Variants in DNAJC6 observed in about 807,000 individuals in gnomAD.
DNAJC6 encodes the protein DnaJ heat shock protein family (Hsp40) member C6.
A neutral mutation model predicts 110.0 loss-of-function variants in DNAJC6; 34 were observed. The ratio of observed to expected loss-of-function variants is 0.31; its 90% CI spans 0.24 to 0.41. DNAJC6 has a LOEUF of 0.41. Among genes scored for constraint, DNAJC6 ranks in the 10% least tolerant of loss-of-function variants. The pLI, the probability that DNAJC6 is intolerant of heterozygous loss-of-function variation, is 1.00. For missense variants in DNAJC6, 1,031 were observed against 1,207.8 expected, an observed-to-expected ratio of 0.85 and a Z score of 2.17; for synonymous variants, 406 against 437.2, an observed-to-expected ratio of 0.93 and a Z score of 0.89.
At chr1:65,353,178 G>A (rs1367257088) in intron 1 of DNAJC6, among the ~76,000 whole-genome samples, 1 of 152,124 alleles carries the variant, frequency 6.6e-6, no homozygotes, top group East Asian at 1.9e-4. Flanking sequence ...TTAGAGAAGG[G>A]AGGAAAAAAA....
chr1:65,296,411 T>TA (rs1644929106), intron 1 of DNAJC6, among the ~76,000 whole-genome samples: 1 of 152,186 alleles, frequency 6.6e-6, no homozygotes, highest in Admixed American at 6.5e-5. Flanking sequence ...TGCTGAGAAC[T>TA]CTGACCCGGA....
chr1:65,381,268 T>C (rs949859058), intron 5 of DNAJC6, among the ~76,000 whole-genome samples: 4 of 151,622 alleles, frequency 2.6e-5, no homozygotes, highest in African/African-American at 9.7e-5. Flanking sequence ...ATAAGCATAG[T>C]GGGGCGTGGT....
Position 65,309,768 on chromosome 1 carries a change from G to T in DNAJC6, c.23G>T (p.Arg8Leu). Residue 8 changes from arginine to leucine, a missense_variant, in exon 1 of 19, where the codon CGG (arginine) becomes CTG (leucine). Transcript: ENST00000371069. ...CCCATGAGCCTCCTCGGGAGCTACCGGAAAAAGACCAGCAACGATGGTTAT... is the reference window on the plus strand; with the variant it reads ...CCCATGAGCCTCCTCGGGAGCTACCTGAAAAAGACCAGCAACGATGGTTAT... MSLLGSY[R>L]KKTSNDGYES... 3.2e-6 allele frequency: 5 copies of T among 1,547,712 alleles called. No individual in the cohort carries two copies. Among genetic ancestry groups the T allele is most frequent in the Non-Finnish European group, 4.4e-6 (5 of 1,145,710 alleles).
Position 65,401,776 on chromosome 1 carries a change from G to C in DNAJC6, c.2123G>C (p.Gly708Ala), listed in dbSNP as rs376618075. The C allele has an allele frequency of 1.3e-5, 21 of 1,612,742 alleles. No homozygotes were observed. The highest frequency in any genetic ancestry group is 1.7e-5 in the Non-Finnish European group (20 of 1,179,716). ...WHAKPGGFGM[G>A]SKSAATSPTG... ...TCCTTTTCAGGAGGCTTTGGAATGG[G>C]AAGCAAGTCAGCTGCCACCAGCCCA... The change falls in exon 15 of 19, where the codon GGA becomes GCA. Residue 708 changes from glycine (G) to alanine (A), a missense_variant. Physicochemically the swap from Gly to Ala is moderately conservative, Grantham distance 60. Coordinates refer to ENST00000371069, the MANE Select transcript of DNAJC6 (RefSeq NM_001256864.2).
chr1:65,388,241 ACAGTTGAAGGTGCATGTCTCCC>A, intron 8 of DNAJC6, 73 bp from the exon 9 acceptor site: 2 of 1,035,014 alleles, frequency 1.9e-6, no homozygotes, highest in South Asian at 2.5e-5. Context: ...AGATATTGAA[ACAGTTGAAGGTGCATGTCTCCC>A]CAAAATCTAA....
At chr1:65,339,231 A>G (rs574926889) in intron 1 of DNAJC6, among the ~76,000 whole-genome samples, 1 of 152,306 alleles carries the variant, frequency 6.6e-6, no homozygotes, top group South Asian at 2.1e-4. Context: ...TTCACAGATG[A>G]AGGAACAGGC....
intron 17 of DNAJC6, 35 bp from the exon 18 acceptor site, chr1:65,411,215 G>A: frequency 6.3e-7 from 1 of 1,593,972 alleles, no homozygotes; most frequent in Non-Finnish European, 8.6e-7. Context: ...TAGTAAGTAA[G>A]CATTTGAATT....
chr1:65,283,619 T>C (rs1166757511), intron 1 of DNAJC6, among the ~76,000 whole-genome samples: 1 of 152,218 alleles, frequency 6.6e-6, no homozygotes, highest in East Asian at 1.9e-4. Flanking sequence ...TGAACATCTG[T>C]GTACAAGTTC....
chr1:65,354,793 A>G (rs1421984833), intron 1 of DNAJC6, among the ~76,000 whole-genome samples: 1 of 152,238 alleles, frequency 6.6e-6, no homozygotes, highest in African/African-American at 2.4e-5. Context: ...TTATTCTGTA[A>G]ATAAATACAC....
At chr1:65,389,889 T>C (rs1645909483) in intron 11 of DNAJC6, among the ~76,000 whole-genome samples, 1 of 152,214 alleles carries the variant, frequency 6.6e-6, no homozygotes, top group South Asian at 2.1e-4. Context: ...GGCAAATGCC[T>C]GTAGTCCTAG....
chr1:65,405,059 TCA>T (rs1646062712), intron 15 of DNAJC6, among the ~76,000 whole-genome samples: 2 of 152,368 alleles, frequency 1.3e-5, no homozygotes, highest in Admixed American at 1.3e-4. Flanking sequence ...TCAGCACATT[TCA>T]GTTTTCTCAT....
At chr1:65,288,502 A>T (rs1654093191) in intron 1 of DNAJC6, among the ~76,000 whole-genome samples, 1 of 152,222 alleles carries the variant, frequency 6.6e-6, no homozygotes, top group Admixed American at 6.5e-5. Flanking sequence ...TCAGAATCCT[A>T]CATAATGATT....
intron 1 of DNAJC6, among the ~76,000 whole-genome samples, chr1:65,303,675 C>A (rs1330382030): frequency 6.6e-6 from 1 of 152,144 alleles, no homozygotes; most frequent in Non-Finnish European, 1.5e-5. Context: ...TCTCTTGCCT[C>A]AGCCTCCTGA....
chr1:65,369,457 G>A lies in DNAJC6; in HGVS notation c.543+3261G>A, dbSNP rs193184693. On this transcript the variant is annotated intron_variant, in intron 4 of 18. Coordinates refer to ENST00000371069, the MANE Select transcript of DNAJC6 (RefSeq NM_001256864.2). ...ACTAGAACCATTTCTTACTCCTTCC[G>A]GTTCTGTGGAGTGCTACGTCTGAAA... 8.0e-4 allele frequency among the ~76,000 whole-genome samples: 122 copies of A among 152,182 alleles called. No homozygotes were observed. In the Middle Eastern group the frequency reaches 0.01, roughly 13 times the overall value.
In DNAJC6 at chr1:65,293,712, C is replaced by A. The variant is rs569863521; in HGVS notation, c.-131+28780C>A. On this transcript the variant is annotated intron_variant, in intron 1 of 19. Coordinates refer to the DNAJC6 transcript ENST00000263441. Reference sequence around the variant, plus strand: ...ACAAAAATAAACATCTACTTTAAGTCATTTCTAATACCATTATCAAGAGCT... The same window carrying A: ...ACAAAAATAAACATCTACTTTAAGTAATTTCTAATACCATTATCAAGAGCT... 3.0e-4 allele frequency among the ~76,000 whole-genome samples: 45 copies of A among 152,246 alleles called. 2 individuals are homozygous for A. In the South Asian group the frequency reaches 9.3e-3, roughly 32 times the overall value.
chr1:65,321,359 T>C lies in DNAJC6; in HGVS notation c.193+11421T>C, dbSNP rs547928209. On this transcript the variant is annotated intron_variant, in intron 1 of 18. Coordinates refer to ENST00000371069, the MANE Select transcript of DNAJC6 (RefSeq NM_001256864.2). ...AGGACTACAGGCATGCACCCCACCA[T>C]GCAGGGCTAATTTTTAAATTTTTTG... 1.6e-4 allele frequency among the ~76,000 whole-genome samples: 24 copies of C among 152,184 alleles called. No individual in the cohort carries two copies. In the South Asian group the frequency reaches 4.8e-3, roughly 30 times the overall value.
intron 13 of DNAJC6, among the ~76,000 whole-genome samples, chr1:65,397,122 A>G (rs976301708): frequency 6.6e-6 from 1 of 152,008 alleles, no homozygotes; most frequent in East Asian, 1.9e-4. Context: ...TACATTTCTC[A>G]TTTTGGTCTG....
intron 1 of DNAJC6, among the ~76,000 whole-genome samples, chr1:65,348,567 A>G (rs1645458938): frequency 6.6e-6 from 1 of 152,144 alleles, no homozygotes; most frequent in Non-Finnish European, 1.5e-5. Flanking sequence ...AATTTGTATC[A>G]TGTTAATATA....
At chr1:65,378,478 G>A (rs1471931411) in intron 4 of DNAJC6, among the ~76,000 whole-genome samples, 5 of 152,214 alleles carry the variant, frequency 3.3e-5, no homozygotes, top group African/African-American at 1.2e-4. Context: ...ACATGTTCAT[G>A]TAGTATCCTG....
Sources: allele counts gnomAD v4.1 joint callset (sites outside exome capture counted in the v4.1 genomes callset), GRCh38; gene constraint gnomAD v4.1.1; transcripts MANE v1.5; gene names NCBI Gene and HGNC (gene_info 2026-07-23, HGNC 2026-07-21).